MYO1H: variants seen among roughly 807,000 people sequenced by gnomAD.
MYO1H encodes myosin IH, also known as unconventional myosin-Ih.
MYO1H carries 118 observed loss-of-function variants against 149.3 expected under a neutral mutation model. That is an observed-to-expected ratio of 0.79 (90% confidence interval 0.68 to 0.92). The LOEUF (loss-of-function observed/expected upper bound fraction) is 0.92. Ranked by LOEUF, MYO1H falls within the 40% of genes least tolerant of loss-of-function variation. MYO1H has a pLI of 0.00. For synonymous variants in MYO1H, 447 were observed against 465.2 expected, an observed-to-expected ratio of 0.96 and a Z score of 0.50; for missense variants, 1,212 against 1,280.7, an observed-to-expected ratio of 0.95 and a Z score of 0.82.
At chr12:109,443,573 C>T in exon 28 of MYO1H, 1 of 1,613,840 alleles carries the variant, frequency 6.2e-7, no homozygotes, top group African/African-American at 1.3e-5. Flanking sequence ...AGCGGCAACT[C>T]ATTCTTACTC....
intron 1 of MYO1H, among the ~76,000 whole-genome samples, chr12:109,366,611 A>AGACT (rs1332579357): frequency 2.6e-5 from 4 of 152,236 alleles, no homozygotes; most frequent in African/African-American, 9.6e-5. Flanking sequence ...TCCCTGTGCC[A>AGACT]GACTAATCAG....
At chr12:109,440,037 C>CTTTTTT (rs36004400) in intron 24 of MYO1H, among the ~76,000 whole-genome samples, 4 of 143,164 alleles carry the variant, frequency 2.8e-5, no homozygotes, top group African/African-American at 2.6e-5. Context: ...AAACAGAGCA[C>CTTTTTT]TTTTTTTTTT....
chr12:109,372,359 C>T (rs2137016576), intron 1 of MYO1H, among the ~76,000 whole-genome samples: 1 of 152,130 alleles, frequency 6.6e-6, no homozygotes, highest in South Asian at 2.1e-4. Context: ...GTGTTTCCAA[C>T]ATTAATTTTG....
chr12:109,424,631 CA>C lies in MYO1H; in HGVS notation c.1645-115del, dbSNP rs1228736039. The C allele has an allele frequency of 8.7e-6, 6 of 689,142 alleles. No individual in the cohort carries two copies. In the Admixed American group the frequency reaches 1.3e-4, roughly 15 times the overall value. 42.7% of individuals were successfully genotyped at this position (689,142 alleles called of 1,614,324 possible). A position where few individuals can be genotyped will look rare whatever the true frequency, so the allele number is the denominator to read the frequency against. On this transcript the variant is annotated intron_variant, in intron 16 of 31. Coordinates refer to ENST00000310903, the Ensembl canonical transcript of MYO1H. The stretch of plus-strand genomic sequence containing the variant: ...CCTTTCTTTACATTAGGAACATCTT[CA>C]AGCATTCAAGAAGCAGATGGCTCTG...
intron 1 of MYO1H, among the ~76,000 whole-genome samples, chr12:109,370,265 A>G (rs766241979): frequency 5.3e-5 from 8 of 152,182 alleles, no homozygotes; most frequent in Non-Finnish European, 1.2e-4. Flanking sequence ...TCTACATGCG[A>G]CCAGCTCAGC....
At chr12:109,416,378 G>GTTTTTTTTTTTT (rs771334177) in intron 15 of MYO1H, among the ~76,000 whole-genome samples, 2 of 135,386 alleles carry the variant, frequency 1.5e-5, no homozygotes, top group African/African-American at 5.6e-5. Flanking sequence ...TGTTGTTGTT[G>GTTTTTTTTTTTT]GTTTTTTTTT....
At chr12:109,428,170 T>G (rs1442722759) in intron 19 of MYO1H, among the ~76,000 whole-genome samples, 2 of 151,452 alleles carry the variant, frequency 1.3e-5, no homozygotes, top group South Asian at 4.2e-4. Context: ...CCTGACTGTT[T>G]ACAGTCAAGG....
the MYO1H span, among the ~76,000 whole-genome samples, chr12:109,315,853 G>T: frequency 6.6e-6 from 1 of 152,278 alleles, no homozygotes; most frequent in South Asian, 2.1e-4. Context: ...TTCAAAAATT[G>T]TCAGTAGCTA....
At chr12:109,444,180 G>C in intron 28 of MYO1H, 33 bp from the exon 29 acceptor site, 6 of 1,556,342 alleles carry the variant, frequency 3.9e-6, no homozygotes, top group Non-Finnish European at 4.4e-6. Flanking sequence ...AAGCTCTCTA[G>C]TTCTTGGCTC....
chr12:109,326,665 G>A, the MYO1H span, among the ~76,000 whole-genome samples: 1 of 151,898 alleles, frequency 6.6e-6, no homozygotes. Context: ...GGGATTACAG[G>A]CATGTCACCA....
chr12:109,337,027 A>C, the MYO1H span, among the ~76,000 whole-genome samples: 1 of 152,164 alleles, frequency 6.6e-6, no homozygotes, highest in Non-Finnish European at 1.5e-5. Flanking sequence ...ACCCCATCCC[A>C]AAACTAAGAC....
At chr12:109,335,897 G>T in the MYO1H span, among the ~76,000 whole-genome samples, 2 of 152,284 alleles carry the variant, frequency 1.3e-5, no homozygotes, top group East Asian at 3.9e-4. Flanking sequence ...CAGCCACTTT[G>T]CTGAGTTTTC....
the MYO1H span, among the ~76,000 whole-genome samples, chr12:109,313,161 C>T: frequency 6.6e-6 from 1 of 152,092 alleles, no homozygotes; most frequent in Non-Finnish European, 1.5e-5. Context: ...GGAAGGATTG[C>T]TTTGAGCCCC....
At chr12:109,327,172 A>G in the MYO1H span, among the ~76,000 whole-genome samples, 1 of 121,578 alleles carries the variant, frequency 8.2e-6, no homozygotes, top group African/African-American at 3.4e-5. Context: ...TCCCTCTGTC[A>G]CCCAGGCTGG....
In MYO1H at chr12:109,397,904, T is replaced by G. The variant is rs950103589; in HGVS notation, c.570+92T>G. 7 of 881,200 alleles carry G rather than the reference T, an allele frequency of 7.9e-6. No individual in the cohort carries two copies. The Middle Eastern group carries it at 6.9e-4, about 87-fold the overall frequency. 54.6% of individuals were successfully genotyped at this position (881,200 alleles called of 1,614,324 possible). ...AAGGCCCCTTAAGGGGAGAACGGCA[T>G]TTTTTGGCTCAAGCTATTTAAAAAA... On this transcript the variant is annotated intron_variant, in intron 5 of 31. Coordinates refer to ENST00000310903, the Ensembl canonical transcript of MYO1H.
chr12:109,334,338 A>G, the MYO1H span, among the ~76,000 whole-genome samples: 1 of 151,766 alleles, frequency 6.6e-6, no homozygotes, highest in Non-Finnish European at 1.5e-5. Flanking sequence ...TTGTTTACTT[A>G]TTTACATGTT....
chr12:109,396,939 TGCTTCAGCTTCCCAAGTA>T (rs1255312635), intron 4 of MYO1H, among the ~76,000 whole-genome samples: 1 of 146,438 alleles, frequency 6.8e-6, no homozygotes, highest in Non-Finnish European at 1.5e-5. Context: ...GCAATTCTCC[TGCTTCAGCTTCCCAAGTA>T]GCTGGCACTA....
At chr12:109,393,533 A>G in intron 3 of MYO1H, 87 bp downstream of exon 3, 1 of 762,948 alleles carries the variant, frequency 1.3e-6, no homozygotes. Flanking sequence ...GCATCTGTCC[A>G]TCCATTCATC....
the MYO1H span, among the ~76,000 whole-genome samples, chr12:109,331,092 A>T: frequency 6.6e-6 from 1 of 152,122 alleles, no homozygotes; most frequent in Non-Finnish European, 1.5e-5. Context: ...TCATTTTTCT[A>T]ATTTACTGTA....
Sources: gnomAD v4.1 joint callset for allele counts (sites outside exome capture counted in the v4.1 genomes callset) on GRCh38, gnomAD v4.1.1 for gene constraint, MANE v1.5 for transcripts, NCBI Gene and HGNC (gene_info 2026-07-23, HGNC 2026-07-21) for gene names.